Variants in GNG2 observed in about 807,000 individuals in gnomAD.
GNG2 encodes the protein G protein subunit gamma 2.
A neutral mutation model predicts 5.5 loss-of-function variants in GNG2; 5 were observed. The ratio of observed to expected loss-of-function variants is 0.91; its 90% CI spans 0.48 to 1.92. The LOEUF (loss-of-function observed/expected upper bound fraction) is 1.92, where lower values mean the gene tolerates loss of function less well. Among genes scored for constraint, GNG2 ranks in the 30% most tolerant of loss-of-function variants. GNG2 has a pLI of 0.01. For missense variants in GNG2, 55 were observed against 88.4 expected (o/e 0.62, Z 1.52); for synonymous variants, 28 against 32.0 (o/e 0.88, Z 0.42).
intron 2 of GNG2, among the ~76,000 whole-genome samples, chr14:51,850,645 G>A (rs1276394972): frequency 6.6e-6 from 1 of 152,190 alleles, no homozygotes; most frequent in Non-Finnish European, 1.5e-5. Context: ...AAGAAAAGAG[G>A]TTTAATTGGC....
intron 1 of GNG2, among the ~76,000 whole-genome samples, chr14:51,877,283 A>T (rs1883742027): frequency 6.6e-6 from 1 of 152,148 alleles, no homozygotes; most frequent in African/African-American, 2.4e-5. Flanking sequence ...GTTCTTATTC[A>T]TTCCATCGGT....
chr14:51,918,374 C>G (rs1039690588), intron 2 of GNG2, among the ~76,000 whole-genome samples: 1 of 151,694 alleles, frequency 6.6e-6, no homozygotes, highest in East Asian at 1.9e-4. Flanking sequence ...ATAAAGTCAA[C>G]TTTTACCTCC....
chr14:51,956,982 T>C (rs1018443416), intron 3 of GNG2, among the ~76,000 whole-genome samples: 3 of 152,236 alleles, frequency 2.0e-5, no homozygotes, highest in African/African-American at 4.8e-5. Context: ...GTAGCCTTCA[T>C]TGAAGCTGTC....
intron 2 of GNG2, among the ~76,000 whole-genome samples, chr14:51,932,259 A>G (rs1225239526): frequency 1.4e-5 from 2 of 147,938 alleles, no homozygotes; most frequent in Admixed American, 1.3e-4. Context: ...AAAAAAAAAA[A>G]AAAAAAAAAA....
At chr14:51,847,881 CTTTTTTTTTTTTT>C (rs540204195) in intron 2 of GNG2, among the ~76,000 whole-genome samples, 1 of 48,138 alleles carries the variant, frequency 2.1e-5, no homozygotes, top group East Asian at 2.0e-3. Context: ...GGTCCTTTTT[CTTTTTTTTTTTTT>C]TTTTTTTTTT....
intron 1 of GNG2, among the ~76,000 whole-genome samples, chr14:51,866,554 C>A (rs1228334072): frequency 6.6e-6 from 1 of 152,170 alleles, no homozygotes; most frequent in African/African-American, 2.4e-5. Flanking sequence ...TGAGGTAACC[C>A]AGAAACAACA....
At chr14:51,942,955 C>T (rs1209127922) in intron 2 of GNG2, among the ~76,000 whole-genome samples, 4 of 152,028 alleles carry the variant, frequency 2.6e-5, no homozygotes, top group Non-Finnish European at 4.4e-5. Context: ...TGATCATCAC[C>T]CCAGCTGATT....
chr14:51,859,241 A>G (rs1457474495), upstream of GNG2, among the ~76,000 whole-genome samples: 1 of 152,180 alleles, frequency 6.6e-6, no homozygotes, highest in Non-Finnish European at 1.5e-5. Context: ...TTTTAACTCC[A>G]TAATGTTGCC....
chr14:51,865,949 GAA>G (rs10578977), intron 1 of GNG2, among the ~76,000 whole-genome samples: 130,779 of 150,986 alleles, frequency 0.87, 56,858 homozygotes, highest in East Asian at 0.99. Flanking sequence ...ATTAAACACT[GAA>G]AAAAAAAAAA....
chr14:51,952,201 A>G (rs1889017054), intron 3 of GNG2: 1 of 334,174 alleles, frequency 3.0e-6, no homozygotes, highest in South Asian at 7.8e-5. Context: ...ACCCATGGAC[A>G]TTTTCCCATT....
At position 51,969,131 on chromosome 14, in the gene GNG2, A is replaced by AT. The variant is rs746978112; in HGVS notation, c.*2448dup. ...TTCAACAGTCATTTTCACCAGCATA[A>AT]TTTTATCTTAAGGAATAACTAATAG... On this transcript the variant is annotated 3_prime_UTR_variant, in exon 4 of 4. Transcript: ENST00000556766. 9 of 152,190 alleles carry AT rather than the reference A, an allele frequency of 5.9e-5. 1 individual carries two copies. The highest frequency in any genetic ancestry group is 1.2e-4 in the Non-Finnish European group (8 of 68,038). 9.4% of individuals were successfully genotyped at this position (152,190 alleles called of 1,614,324 possible). A position where few individuals can be genotyped will look rare whatever the true frequency, so the allele number is the denominator to read the frequency against.
Position 51,932,371 on chromosome 14 carries a change from C to T in GNG2, c.-29-18279C>T, listed in dbSNP as rs372721420. Among the ~76,000 whole-genome samples, 94 of 151,574 alleles carry T rather than the reference C, an allele frequency of 6.2e-4. 2 individuals are homozygous for T. The East Asian group carries it at 0.011, about 18-fold the overall frequency. On this transcript the variant is annotated intron_variant, in intron 2 of 3. Transcript: ENST00000556766. ...GCATGGGTGAACCTTGAAGACATTA[C>T]GCTAAGTGAAATAAGCCAGTCAGAA...
chr14:51,904,559 CTG>C (rs925687599), intron 2 of GNG2, among the ~76,000 whole-genome samples: 21 of 149,700 alleles, frequency 1.4e-4, no homozygotes, highest in African/African-American at 5.4e-4. Context: ...GCAGCATGAT[CTG>C]TGCAGGGGCC....
At chr14:51,942,589 C>CTTTCTTTCTTT (rs761049973) in intron 2 of GNG2, among the ~76,000 whole-genome samples, 11 of 81,128 alleles carry the variant, frequency 1.4e-4, no homozygotes, top group African/African-American at 6.5e-4. Context: ...TTCTTTCTTT[C>CTTTCTTTCTTT]TTTTTTTTTT....
At chr14:51,857,001 T>C (rs548186189), upstream of GNG2, among the ~76,000 whole-genome samples, 1 of 152,374 alleles carries the variant, frequency 6.6e-6, no homozygotes, top group South Asian at 2.1e-4. Flanking sequence ...GAATGGAATT[T>C]CTGCCAATGA....
chr14:51,902,952 A>G (rs1885663189), intron 2 of GNG2, among the ~76,000 whole-genome samples: 1 of 152,170 alleles, frequency 6.6e-6, no homozygotes, highest in South Asian at 2.1e-4. Flanking sequence ...CAGGAGAACT[A>G]TTGTGGAAAC....
intron 2 of GNG2, among the ~76,000 whole-genome samples, chr14:51,840,147 G>T (rs763272122): frequency 1.3e-5 from 2 of 152,164 alleles, no homozygotes; most frequent in Non-Finnish European, 2.9e-5. Flanking sequence ...GCTCCACCTG[G>T]GTAGCTCCAT....
intron 2 of GNG2, among the ~76,000 whole-genome samples, chr14:51,920,532 GAATAT>G (rs1302420693): frequency 6.6e-6 from 1 of 152,040 alleles, no homozygotes; most frequent in Non-Finnish European, 1.5e-5. Flanking sequence ...ACAGAAGGCA[GAATAT>G]AATTACAAAT....
intron 2 of GNG2, among the ~76,000 whole-genome samples, chr14:51,906,481 A>C (rs1017294371): frequency 6.6e-6 from 1 of 152,158 alleles, no homozygotes; most frequent in Admixed American, 6.5e-5. Flanking sequence ...CTTAGTGAAG[A>C]ATAAGAATTT....
Sources: gnomAD v4.1 joint callset for allele counts (sites outside exome capture counted in the v4.1 genomes callset) on GRCh38, gnomAD v4.1.1 for gene constraint, MANE v1.5 for transcripts, NCBI Gene and HGNC (gene_info 2026-07-23, HGNC 2026-07-21) for gene names.